STARD9: variants seen among roughly 807,000 people sequenced by gnomAD.
STARD9 encodes StAR related lipid transfer domain containing 9, also known as stAR-related lipid transfer protein 9.
Under a neutral mutation model 399.8 loss-of-function variants are expected in STARD9, and 346 were observed. The observed-to-expected ratio is 0.87, with a 90% CI of 0.79 to 0.95. STARD9 has a LOEUF of 0.95. Ranked by LOEUF, STARD9 falls within the 40% of genes least tolerant of loss-of-function variation. STARD9 has a pLI of 0.00. For synonymous variants in STARD9, 2,203 were observed against 2,143.5 expected (o/e 1.03, Z -0.77); for missense variants, 5,832 against 5,667.5 (o/e 1.03, Z -0.93).
chr15:42,669,096 C>A, intron 15 of STARD9, 62 bp from the exon 16 acceptor site: 1 of 1,376,526 alleles, frequency 7.3e-7, no homozygotes, highest in Non-Finnish European at 9.8e-7. Context: ...ATTGTAATGA[C>A]TTCTGACCTT....
rs1323947485 is a variant in STARD9, at chr15:42,684,648, G to T, written c.3070G>T (p.Ala1024Ser). ...CAGGCAGACTGCTGGGCACGGAAAG[G>T]CAGTCAAGACTTTTTGGACAGAATA... The part of the protein sequence containing the change: ...GPRQTAGHGK[A>S]VKTFWTEYKP... Residue 1024 changes from alanine (A) to serine (S), a missense_variant, in exon 23 of 33, where the codon GCA becomes TCA. Ala to Ser is a moderately conservative substitution (Grantham distance 99). Transcript: ENST00000290607. 57 of 1,537,056 alleles carry T rather than the reference G, an allele frequency of 3.7e-5. No individual in the cohort carries two copies. The highest frequency in any genetic ancestry group is 4.6e-5 in the Non-Finnish European group (53 of 1,146,908).
At chr15:42,601,272 G>A (rs771981477) in intron 3 of STARD9, among the ~76,000 whole-genome samples, 2,630 of 152,164 alleles carry the variant, frequency 0.017, 34 homozygotes, top group Middle Eastern at 0.041. Context: ...TTCTTTCTAC[G>A]CAGACACAGT....
chr15:42,638,801 C>T lies in STARD9; in HGVS notation c.548C>T (p.Pro183Leu), dbSNP rs1366496664. 7.2e-6 allele frequency: 11 copies of T among 1,532,130 alleles called. No homozygotes were observed. Among genetic ancestry groups the T allele is most frequent in the Non-Finnish European group, 9.6e-6 (11 of 1,143,666 alleles). 94.9% of individuals were successfully genotyped at this position (1,532,130 alleles called of 1,614,324 possible). A position where few individuals can be genotyped will look rare whatever the true frequency, so the allele number is the denominator to read the frequency against. ...LRVREHPEMGPYVQGLSQHVV... is the reference protein window; with the variant it reads ...LRVREHPEMGLYVQGLSQHVV... Reference sequence around the variant, plus strand: ...GTCAGGGAGCATCCAGAGATGGGGCCCTATGTACAAGGTGAGCTACTGTGG... The same window carrying T: ...GTCAGGGAGCATCCAGAGATGGGGCTCTATGTACAAGGTGAGCTACTGTGG... Residue 183 changes from proline (P) to leucine (L), a missense_variant, in exon 7 of 33, where the codon CCC (proline) becomes CTC (leucine). Physicochemically the swap from Pro to Leu is moderately conservative, Grantham distance 98. Around this residue, in one of 2 missense-constraint regions of STARD9, gnomAD observed 5,828 missense variants for 5,651.1 expected, o/e 1.03. Coordinates refer to ENST00000290607, the MANE Select transcript of STARD9 (RefSeq NM_020759.3).
Position 42,688,997 on chromosome 15 carries a change from A to T in STARD9, c.7419A>T (p.Glu2473Asp). 6.5e-7 allele frequency: 1 copy of T among 1,537,368 alleles called. No individual in the cohort carries two copies. Among genetic ancestry groups the T allele is most frequent in the Non-Finnish European group, 8.7e-7 (1 of 1,146,928 alleles). The change falls in exon 23 of 33, where the codon GAA becomes GAT. Residue 2473 changes from glutamate to aspartate, a missense_variant. Physicochemically the swap from Glu to Asp is conservative, Grantham distance 45 (BLOSUM62 2). Around this residue, in one of 2 missense-constraint regions of STARD9, gnomAD observed 5,828 missense variants for 5,651.1 expected, o/e 1.03. Transcript: ENST00000290607. ...ASEAEVAVQKEIRVSSLNKVS... is the reference protein window; with the variant it reads ...ASEAEVAVQKDIRVSSLNKVS... ...AAGCCGAGGTGGCTGTACAAAAAGA[A>T]ATAAGAGTCAGTTCACTGAACAAGG... is the stretch of plus-strand genomic sequence containing the variant.
chr15:42,687,254 G>A lies in STARD9; in HGVS notation c.5676G>A (p.Gln1892=), dbSNP rs569025756. 10 of 1,537,042 alleles carry A rather than the reference G, an allele frequency of 6.5e-6. No homozygotes were observed. In the South Asian group the frequency reaches 1.2e-4, roughly 18 times the overall value. The part of the protein sequence containing the change: ...PALEGGEVTA[Q]SCCGASSDST... Reference sequence around the variant, plus strand: ...TTGAGGGAGGAGAGGTCACTGCTCAGTCCTGTTGCGGTGCTTCCTCAGACA... The same window carrying A: ...TTGAGGGAGGAGAGGTCACTGCTCAATCCTGTTGCGGTGCTTCCTCAGACA... Residue 1892 remains glutamine, a synonymous_variant, in exon 23 of 33, where the codon CAG becomes CAA. Transcript: ENST00000290607.
At chr15:42,705,379 T>G (rs1401392019) in intron 26 of STARD9, among the ~76,000 whole-genome samples, 1 of 152,204 alleles carries the variant, frequency 6.6e-6, no homozygotes, top group African/African-American at 2.4e-5. Flanking sequence ...TGTGGGGAAC[T>G]ATCACTGACG....
intron 26 of STARD9, 121 bp from the exon 27 acceptor site, chr15:42,716,556 A>G (rs890792015): frequency 1.0e-5 from 7 of 668,944 alleles, no homozygotes; most frequent in Non-Finnish European, 1.9e-5. Flanking sequence ...TTGTATTCCC[A>G]TCTGGGAAGA....
At chr15:42,605,829 G>C (rs1020010732) in intron 3 of STARD9, among the ~76,000 whole-genome samples, 7 of 152,128 alleles carry the variant, frequency 4.6e-5, no homozygotes, top group East Asian at 3.8e-4. Context: ...TTTCTTTACT[G>C]TTCCTCCCCT....
rs149230374 is a variant in STARD9 at position 42,694,138 on chromosome 15, A to G, written c.12560A>G (p.Gln4187Arg). ...SPPQPPNDHS[Q>R]DSEWSKREQI... is the part of the protein sequence containing the mutation. The stretch of plus-strand genomic sequence containing the variant: ...CCACAACCTCCTAATGACCACAGCC[A>G]GGATTCTGAGTGGTCCAAGAGGGAG... Residue 4187 changes from glutamine to arginine, a missense_variant, in exon 23 of 33, where the codon CAG becomes CGG. Physicochemically the swap from Gln to Arg is conservative, Grantham distance 43. Coordinates refer to ENST00000290607, the MANE Select transcript of STARD9 (RefSeq NM_020759.3). The G allele has an allele frequency of 1.3e-4, 200 of 1,536,654 alleles. No individual in the cohort carries two copies. Among genetic ancestry groups the G allele is most frequent in the Middle Eastern group, 1.0e-3 (6 of 5,990 alleles).
In STARD9 at chr15:42,685,354, A is replaced by G; in HGVS notation, c.3776A>G (p.Tyr1259Cys). The change falls in exon 23 of 33, where the codon TAC becomes TGC. Residue 1259 changes from tyrosine to cysteine, a missense_variant. Coordinates refer to ENST00000290607, the MANE Select transcript of STARD9 (RefSeq NM_020759.3). ...ATATGCAGGCTTGGTCCCATCAACTACAGAACAGCAGCTAGGCTGGATGCC... is the reference window on the plus strand; with the variant it reads ...ATATGCAGGCTTGGTCCCATCAACTGCAGAACAGCAGCTAGGCTGGATGCC... The part of the protein sequence containing the change: ...EAICRLGPIN[Y>C]RTAARLDAVL... 1.3e-6 allele frequency: 2 copies of G among 1,537,214 alleles called. No individual in the cohort carries two copies.
At chr15:42,592,659 G>A (rs897381652) in intron 3 of STARD9, among the ~76,000 whole-genome samples, 11 of 152,010 alleles carry the variant, frequency 7.2e-5, no homozygotes, top group Non-Finnish European at 7.4e-5. Flanking sequence ...GGCCAGGCTC[G>A]TCTCGAACTC....
intron 26 of STARD9, among the ~76,000 whole-genome samples, chr15:42,713,925 T>C (rs1253640923): frequency 6.6e-6 from 1 of 152,174 alleles, no homozygotes; most frequent in African/African-American, 2.4e-5. Context: ...TCCCTCCTGA[T>C]TTTTGGAAGA....
chr15:42,720,831 G>T lies in STARD9; in HGVS notation c.*1257G>T, dbSNP rs2061439752. 1 of 151,768 alleles carries T rather than the reference G, an allele frequency of 6.6e-6. No homozygotes were observed. Among genetic ancestry groups the T allele is most frequent in the South Asian group, 2.1e-4 (1 of 4,806 alleles). The allele number at this position is 151,768 out of a possible 1,614,324, so 9.4% of individuals were successfully genotyped here. A position where few individuals can be genotyped will look rare whatever the true frequency, so the allele number is the denominator to read the frequency against. ...AGTTATTTATATATTGTTGATTGAA[G>T]GTTTTTTAAAATTGCTTTTAAACTT... is the stretch of plus-strand genomic sequence containing the variant. On this transcript the variant is annotated 3_prime_UTR_variant, in exon 33 of 33. Transcript: ENST00000290607.
chr15:42,674,865 A>G lies in STARD9; in HGVS notation c.1588A>G (p.Ile530Val), dbSNP rs913598601. ...GTGGATTGAGAGAGACCACTGCACTATCACCAGTGCCTGTGGTGTAGTTGT... is the reference window on the plus strand; with the variant it reads ...GTGGATTGAGAGAGACCACTGCACTGTCACCAGTGCCTGTGGTGTAGTTGT... ...GQWIERDHCTITSACGVVVLR... is the reference protein window; with the variant it reads ...GQWIERDHCTVTSACGVVVLR... The change falls in exon 18 of 33, where the codon ATC becomes GTC. Residue 530 changes from isoleucine to valine, a missense_variant. By Grantham distance (29) the Ile-to-Val change is conservative. Transcript: ENST00000290607. 41 of 1,536,726 alleles carry G rather than the reference A, an allele frequency of 2.7e-5. No homozygotes were observed. Among genetic ancestry groups the G allele is most frequent in the Non-Finnish European group, 3.5e-5 (40 of 1,146,704 alleles).
chr15:42,684,186 A>G lies in STARD9; in HGVS notation c.2608A>G (p.Lys870Glu), dbSNP rs1474785275. The G allele has an allele frequency of 6.5e-6, 10 of 1,537,170 alleles. No homozygotes were observed. The highest frequency in any genetic ancestry group is 7.8e-6 in the Non-Finnish European group (9 of 1,146,902). ...RPDPTHQTSE[K>E]TSSEEHLPQA... is the part of the protein sequence containing the mutation. The stretch of plus-strand genomic sequence containing the variant: ...TGACCCTACACACCAAACATCAGAG[A>G]AAACATCATCAGAAGAGCATTTGCC... Residue 870 changes from lysine to glutamate, a missense_variant, in exon 23 of 33, where the codon AAA becomes GAA. Around this residue, in one of 2 missense-constraint regions of STARD9, gnomAD observed 5,828 missense variants for 5,651.1 expected, o/e 1.03. Transcript: ENST00000290607.
At chr15:42,624,835 G>T (rs2059167005) in intron 3 of STARD9, among the ~76,000 whole-genome samples, 1 of 151,916 alleles carries the variant, frequency 6.6e-6, no homozygotes, top group South Asian at 2.1e-4. Flanking sequence ...AGGCATGAGA[G>T]AATAATTTTC....
At chr15:42,649,971 A>G (rs550939071) in intron 7 of STARD9, among the ~76,000 whole-genome samples, 14 of 144,430 alleles carry the variant, frequency 9.7e-5, no homozygotes, top group Non-Finnish European at 1.5e-4. Context: ...GGTTCAAGGG[A>G]TTCTCCTGTC....
chr15:42,575,787 C>T, intron 1 of STARD9, 25 bp downstream of exon 1: 1 of 1,536,470 alleles, frequency 6.5e-7, no homozygotes, highest in African/African-American at 1.4e-5. Flanking sequence ...GAGAGGGCGC[C>T]TGAGGCTTCA....
At chr15:42,633,319 C>T (rs778995797) in intron 3 of STARD9, among the ~76,000 whole-genome samples, 1 of 152,108 alleles carries the variant, frequency 6.6e-6, no homozygotes, top group Admixed American at 6.5e-5. Flanking sequence ...TGCCCAAGAT[C>T]ACACAGCTTT....
Sources: allele counts gnomAD v4.1 joint callset (sites outside exome capture counted in the v4.1 genomes callset), GRCh38; gene constraint gnomAD v4.1.1; regional missense constraint gnomAD v4.1.1; transcripts MANE v1.5; gene names NCBI Gene and HGNC (gene_info 2026-07-23, HGNC 2026-07-21).